Variants in CACNA1E observed in about 807,000 individuals in gnomAD.
The protein encoded by CACNA1E is voltage-dependent R-type calcium channel subunit alpha-1E.
Under a neutral mutation model 259.2 loss-of-function variants are expected in CACNA1E, and 40 were observed. That is an observed-to-expected ratio of 0.15 (90% CI 0.12 to 0.20). The LOEUF (loss-of-function observed/expected upper bound fraction) is 0.20. Ranked by LOEUF, CACNA1E falls within the 10% of genes least tolerant of loss-of-function variation. The probability of loss-of-function intolerance (pLI) is 1.00; values close to 1 mark genes in which losing one functional copy is unlikely to be tolerated. For missense variants in CACNA1E, 1,874 were observed against 3,040.1 expected (o/e 0.62, Z 9.02); for synonymous variants, 1,104 against 1,138.5 (o/e 0.97, Z 0.61).
intron 1 of CACNA1E, among the ~76,000 whole-genome samples, chr1:181,509,697 C>T (rs1027146757): frequency 3.9e-5 from 6 of 152,154 alleles, no homozygotes; most frequent in Non-Finnish European, 2.9e-5. Context: ...CAGGGAGCAC[C>T]TCACCTGTTT....
At chr1:181,593,574 T>C (rs1051049795) in intron 6 of CACNA1E, among the ~76,000 whole-genome samples, 1 of 152,208 alleles carries the variant, frequency 6.6e-6, no homozygotes, top group South Asian at 2.1e-4. Context: ...AGTCTTGCTC[T>C]GTCGCCCAGG....
chr1:181,704,822 G>T (rs945264304), intron 7 of CACNA1E, among the ~76,000 whole-genome samples: 5 of 152,148 alleles, frequency 3.3e-5, no homozygotes, highest in African/African-American at 1.2e-4. Context: ...TCTGGAGCGA[G>T]AGGCTAAAAC....
rs112125695 is a variant in CACNA1E at position 181,378,860 on chromosome 1, T to C, written c.-14-34273T>C. On this transcript the variant is annotated intron_variant, in intron 1 of 11. Coordinates refer to the CACNA1E transcript ENST00000524607. ...ATTTAAAAACAAGACACAAAAGGAC[T>C]GAAGTGTTTCCAAGTAATTAGATCT... Among the ~76,000 whole-genome samples, 295 of 152,278 alleles carry C rather than the reference T, an allele frequency of 1.9e-3. 1 individual carries two copies. Among genetic ancestry groups the C allele is most frequent in the South Asian group, 3.5e-3 (17 of 4,828 alleles).
intron 1 of CACNA1E, among the ~76,000 whole-genome samples, chr1:181,411,216 G>A (rs12410673): frequency 0.091 from 13,788 of 152,178 alleles, 791 homozygotes; most frequent in South Asian, 0.18. Flanking sequence ...CCTGCTGTGG[G>A]GACTAGCAAT....
chr1:181,577,780 C>T lies in CACNA1E; in HGVS notation c.527C>T (p.Ala176Val). 1 of 1,607,936 alleles carries T rather than the reference C, an allele frequency of 6.2e-7. No homozygotes were observed. The highest frequency in any genetic ancestry group is 8.5e-7 in the Non-Finnish European group (1 of 1,176,902). Residue 176 changes from alanine to valine, a missense_variant, in exon 4 of 48, where the codon GCA becomes GTA. Physicochemically the swap from Ala to Val is moderately conservative, Grantham distance 64 (BLOSUM62 0). Transcript: ENST00000367573. Reference protein sequence around the residue: ...IVVLSGILATAGTHFNTHVDL... With the variant: ...IVVLSGILATVGTHFNTHVDL... ...TCTGTCTGCAGCATCCTGGCCACTG[C>T]AGGAACCCACTTCAATACTCACGTG...
At chr1:181,355,309 C>T (rs763160149) in intron 1 of CACNA1E, among the ~76,000 whole-genome samples, 20 of 152,230 alleles carry the variant, frequency 1.3e-4, no homozygotes, top group African/African-American at 2.4e-4. Flanking sequence ...GAGTACAGGC[C>T]GGGCATGGTG....
chr1:181,743,284 C>A (rs1656749642), intron 25 of CACNA1E, among the ~76,000 whole-genome samples: 1 of 152,072 alleles, frequency 6.6e-6, no homozygotes, highest in South Asian at 2.1e-4. Flanking sequence ...ATCTATGAAA[C>A]CTTCCTCTTT....
At chr1:181,584,526 C>T (rs1187279854) in intron 6 of CACNA1E, among the ~76,000 whole-genome samples, 7 of 152,178 alleles carry the variant, frequency 4.6e-5, no homozygotes, top group Non-Finnish European at 1.0e-4. Context: ...TTTAAGTTGC[C>T]TTTTCACAGC....
At chr1:181,681,609 TA>T (rs138968170) in intron 7 of CACNA1E, among the ~76,000 whole-genome samples, 17,910 of 152,218 alleles carry the variant, frequency 0.12, 1,096 homozygotes, top group Middle Eastern at 0.16. Flanking sequence ...CTCCCTTATG[TA>T]AAAACCTTAG....
intron 1 of CACNA1E, among the ~76,000 whole-genome samples, chr1:181,376,440 A>G (rs986261246): frequency 6.6e-6 from 1 of 152,242 alleles, no homozygotes; most frequent in Non-Finnish European, 1.5e-5. Flanking sequence ...ATAGCAGTGC[A>G]GAATATGCCA....
chr1:181,646,697 A>T (rs560697071), intron 6 of CACNA1E, among the ~76,000 whole-genome samples: 4 of 152,092 alleles, frequency 2.6e-5, no homozygotes, highest in Admixed American at 2.6e-4. Flanking sequence ...AGCTCAGGGG[A>T]CCCATGGGGC....
At chr1:181,382,239 A>G (rs625210) in intron 1 of CACNA1E, among the ~76,000 whole-genome samples, 83,375 of 152,072 alleles carry the variant, frequency 0.55, 24,522 homozygotes, top group African/African-American at 0.77. Context: ...AACTGTTCTC[A>G]GAACAGTTCA....
At chr1:181,596,473 C>T (rs1373174503) in intron 6 of CACNA1E, among the ~76,000 whole-genome samples, 2 of 151,244 alleles carry the variant, frequency 1.3e-5, no homozygotes, top group African/African-American at 2.4e-5. Context: ...GGAAGAACGT[C>T]GTTGGGGCAT....
At chr1:181,711,935 C>T (rs1337816953) in intron 8 of CACNA1E, among the ~76,000 whole-genome samples, 3 of 152,094 alleles carry the variant, frequency 2.0e-5, no homozygotes, top group East Asian at 1.9e-4. Flanking sequence ...AGAGGACTGA[C>T]GTGCTGGCCG....
intron 1 of CACNA1E, among the ~76,000 whole-genome samples, chr1:181,503,786 T>G (rs73051948): frequency 6.6e-6 from 1 of 152,212 alleles, no homozygotes; most frequent in African/African-American, 2.4e-5. Flanking sequence ...TCTGTGGGAA[T>G]GGATGGTCAT....
At chr1:181,670,137 C>T (rs1423098942) in intron 7 of CACNA1E, among the ~76,000 whole-genome samples, 2 of 152,184 alleles carry the variant, frequency 1.3e-5, no homozygotes, top group East Asian at 3.8e-4. Context: ...TTTGTAATAA[C>T]ATTAGAGCCC....
chr1:181,320,652 C>T (rs1233877012), intron 1 of CACNA1E, among the ~76,000 whole-genome samples: 1 of 152,212 alleles, frequency 6.6e-6, no homozygotes, highest in Non-Finnish European at 1.5e-5. Context: ...CTAGCTGACT[C>T]CCTGCACACG....
chr1:181,761,037 C>CTGAT (rs1658535157), intron 32 of CACNA1E, among the ~76,000 whole-genome samples: 1 of 152,206 alleles, frequency 6.6e-6, no homozygotes, highest in Non-Finnish European at 1.5e-5. Flanking sequence ...AGCTCCACCA[C>CTGAT]TGATAGACTA....
intron 1 of CACNA1E, among the ~76,000 whole-genome samples, chr1:181,333,135 C>T (rs963966379): frequency 1.2e-4 from 19 of 152,154 alleles, no homozygotes; most frequent in South Asian, 1.2e-3. Flanking sequence ...TGGGCCCAGA[C>T]GCCACTGAGC....
Sources: gnomAD v4.1 joint callset for allele counts (sites outside exome capture counted in the v4.1 genomes callset) on GRCh38, gnomAD v4.1.1 for gene constraint, MANE v1.5 for transcripts, NCBI Gene and HGNC (gene_info 2026-07-23, HGNC 2026-07-21) for gene names.